TDRD7: variants seen among roughly 807,000 people sequenced by gnomAD.
TDRD7 encodes the protein tudor domain containing 7, also known as tudor domain-containing protein 7.
A neutral mutation model predicts 109.8 loss-of-function variants in TDRD7; 47 were observed. The ratio of observed to expected loss-of-function variants is 0.43; its 90% CI spans 0.34 to 0.55. The LOEUF is 0.55. TDRD7 is among the 20% of genes least tolerant of loss of function. TDRD7 has a pLI of 0.03. For missense variants in TDRD7, 1,164 were observed against 1,319.2 expected, an observed-to-expected ratio of 0.88 and a Z score of 1.82; for synonymous variants, 424 against 457.3, an observed-to-expected ratio of 0.93 and a Z score of 0.93.
intron 6 of TDRD7, among the ~76,000 whole-genome samples, chr9:97,454,429 CGA>C (rs1828565677): frequency 6.6e-6 from 1 of 152,058 alleles, no homozygotes; most frequent in Non-Finnish European, 1.5e-5. Context: ...TGCAGTGAGC[CGA>C]GATCGTGCCA....
chr9:97,488,730 A>G (rs968949656), intron 16 of TDRD7, among the ~76,000 whole-genome samples: 3 of 152,144 alleles, frequency 2.0e-5, no homozygotes, highest in Admixed American at 2.0e-4. Flanking sequence ...ATTGGTACTT[A>G]TGGTGTGCTA....
intron 3 of TDRD7, among the ~76,000 whole-genome samples, chr9:97,431,777 A>G (rs1032053769): frequency 2.0e-5 from 3 of 152,204 alleles, no homozygotes; most frequent in African/African-American, 7.2e-5. Context: ...GGTGGCTGCC[A>G]CTGAAGTGTT....
At chr9:97,464,283 G>A (rs886336111) in intron 7 of TDRD7, among the ~76,000 whole-genome samples, 1 of 152,124 alleles carries the variant, frequency 6.6e-6, no homozygotes. Flanking sequence ...ATTGCTCCAC[G>A]TTTCCTTTGT....
chr9:97,455,448 C>T (rs1828587668), intron 6 of TDRD7, among the ~76,000 whole-genome samples: 1 of 152,160 alleles, frequency 6.6e-6, no homozygotes, highest in Admixed American at 6.5e-5. Flanking sequence ...AAACTGAATC[C>T]AGCAACACAT....
intron 1 of TDRD7, among the ~76,000 whole-genome samples, chr9:97,420,174 G>C (rs1298865553): frequency 1.3e-5 from 2 of 151,920 alleles, no homozygotes; most frequent in Admixed American, 1.3e-4. Context: ...CCCATACAGT[G>C]GAATACTACT....
intron 9 of TDRD7, among the ~76,000 whole-genome samples, 189 bp downstream of exon 9, chr9:97,470,858 G>A (rs1230766113): frequency 1.3e-5 from 2 of 151,960 alleles, no homozygotes; most frequent in Non-Finnish European, 2.9e-5. Flanking sequence ...TTTATATTTT[G>A]TGTTATATAT....
chr9:97,464,461 G>A (rs556167645), intron 7 of TDRD7, among the ~76,000 whole-genome samples: 4 of 152,044 alleles, frequency 2.6e-5, no homozygotes, highest in Non-Finnish European at 4.4e-5. Context: ...GGGTTCAAGC[G>A]ATTCTCCTGC....
intron 4 of TDRD7, among the ~76,000 whole-genome samples, chr9:97,438,659 A>G (rs1031405104): frequency 6.6e-6 from 1 of 152,156 alleles, no homozygotes; most frequent in Non-Finnish European, 1.5e-5. Context: ...TTTATATAAA[A>G]TTTATTTTTA....
chr9:97,429,447 A>G (rs1828063185), intron 2 of TDRD7, among the ~76,000 whole-genome samples: 1 of 152,136 alleles, frequency 6.6e-6, no homozygotes, highest in South Asian at 2.1e-4. Context: ...ACATGTGTAA[A>G]TATGTGGATC....
intron 9 of TDRD7, among the ~76,000 whole-genome samples, 187 bp from the exon 10 acceptor site, chr9:97,472,106 T>C (rs953171047): frequency 2.0e-5 from 3 of 152,130 alleles, no homozygotes; most frequent in African/African-American, 7.2e-5. Flanking sequence ...AAAAGGGCGT[T>C]TACATTATAT....
Position 97,495,787 on chromosome 9 carries a change from AGTG to A in TDRD7, c.3204_3206del (p.Val1069del), listed in dbSNP as rs1163071136. The A allele has an allele frequency of 6.2e-7, 1 of 1,614,206 alleles. No individual in the cohort carries two copies. The highest frequency in any genetic ancestry group is 1.7e-5 in the Admixed American group (1 of 60,026). ...ATGCTAACCCTTGGGACCGGAAAGT[AGTG>A]GTCTACTTAGTGGACACATCGTTGC... On this transcript the variant is annotated inframe_deletion, in exon 17 of 17. Coordinates refer to ENST00000355295, the MANE Select transcript of TDRD7 (RefSeq NM_014290.3).
chr9:97,456,122 A>C (rs1307440321), intron 6 of TDRD7, among the ~76,000 whole-genome samples: 1 of 152,172 alleles, frequency 6.6e-6, no homozygotes, highest in East Asian at 1.9e-4. Flanking sequence ...AACAAAGGAC[A>C]TGAAGGACCT....
At chr9:97,446,477 A>G (rs1828403500) in intron 6 of TDRD7, among the ~76,000 whole-genome samples, 1 of 152,232 alleles carries the variant, frequency 6.6e-6, no homozygotes, top group South Asian at 2.1e-4. Flanking sequence ...GAATGAGGAA[A>G]AACTGCCTAA....
intron 2 of TDRD7, among the ~76,000 whole-genome samples, chr9:97,430,620 C>G (rs1828086688): frequency 6.6e-6 from 1 of 152,234 alleles, no homozygotes; most frequent in Non-Finnish European, 1.5e-5. Context: ...TATTATACAT[C>G]AGATCATAGG....
chr9:97,454,040 G>T (rs1828556528), intron 6 of TDRD7, among the ~76,000 whole-genome samples: 1 of 152,174 alleles, frequency 6.6e-6, no homozygotes. Context: ...TCTGGATCAA[G>T]TGGACCTAAT....
intron 15 of TDRD7, among the ~76,000 whole-genome samples, chr9:97,484,492 A>ACACC (rs1352170431): frequency 8.0e-4 from 120 of 150,174 alleles, no homozygotes; most frequent in African/African-American, 2.5e-3. Flanking sequence ...ACACACACAC[A>ACACC]CCCCAAAACT....
chr9:97,416,625 C>T (rs1226612966), intron 1 of TDRD7, among the ~76,000 whole-genome samples: 1 of 152,194 alleles, frequency 6.6e-6, no homozygotes, highest in African/African-American at 2.4e-5. Context: ...CTTGATGATT[C>T]TCAACCACAG....
At chr9:97,422,899 C>T (rs1161944164) in intron 1 of TDRD7, among the ~76,000 whole-genome samples, 1 of 152,098 alleles carries the variant, frequency 6.6e-6, no homozygotes, top group Admixed American at 6.5e-5. Flanking sequence ...GTTATTATGT[C>T]TTATCCTTTT....
chr9:97,484,042 C>G (rs1040002196), intron 15 of TDRD7, among the ~76,000 whole-genome samples: 1 of 151,952 alleles, frequency 6.6e-6, no homozygotes. Flanking sequence ...CTTTGCATTT[C>G]TGATTATTTA....
Sources: gnomAD v4.1 joint callset for allele counts (sites outside exome capture counted in the v4.1 genomes callset) on GRCh38, gnomAD v4.1.1 for gene constraint, MANE v1.5 for transcripts, NCBI Gene and HGNC (gene_info 2026-07-23, HGNC 2026-07-21) for gene names.